Variants in KCND3 observed in about 807,000 individuals in gnomAD.
The protein encoded by KCND3 is potassium voltage-gated channel subfamily D member 3.
Under a neutral mutation model 51.1 loss-of-function variants are expected in KCND3, and 9 were observed. The observed-to-expected ratio is 0.18, with a 90% CI of 0.11 to 0.31. The LOEUF (loss-of-function observed/expected upper bound fraction) is 0.31, where lower values mean the gene tolerates loss of function less well. Among genes scored for constraint, KCND3 ranks in the 10% least tolerant of loss-of-function variants. The pLI is 1.00. For synonymous variants in KCND3, 349 were observed against 368.0 expected, an observed-to-expected ratio of 0.95 and a Z score of 0.59; for missense variants, 526 against 903.8, an observed-to-expected ratio of 0.58 and a Z score of 5.36.
Position 111,944,292 on chromosome 1 carries a change from T to C in KCND3, c.1106+37329A>G, listed in dbSNP as rs576723528. ...CAAGAAGCCCGCTCAGAGCTGGCAA[T>C]GGCTGTGCTGCTGGCTTACACACCT... is the stretch of plus-strand genomic sequence containing the variant. On this transcript the variant is annotated intron_variant, in intron 2 of 7. Transcript: ENST00000302127. 1.3e-4 allele frequency among the ~76,000 whole-genome samples: 20 copies of C among 152,292 alleles called. No homozygotes were observed. In the South Asian group the frequency reaches 3.9e-3, roughly 30 times the overall value.
intron 2 of KCND3, among the ~76,000 whole-genome samples, chr1:111,860,428 C>T (rs1668284485): frequency 2.0e-5 from 3 of 152,188 alleles, no homozygotes; most frequent in South Asian, 4.1e-4. Flanking sequence ...GGGTTGCTGA[C>T]AGCTCTGTCT....
chr1:111,985,826 C>G (rs957677732), intron 1 of KCND3, among the ~76,000 whole-genome samples: 2 of 152,152 alleles, frequency 1.3e-5, no homozygotes, highest in African/African-American at 4.8e-5. Context: ...TCAGATGCTG[C>G]AGAAGACAAT....
intron 2 of KCND3, among the ~76,000 whole-genome samples, chr1:111,843,115 T>C (rs958078281): frequency 6.6e-6 from 1 of 152,216 alleles, no homozygotes; most frequent in Non-Finnish European, 1.5e-5. Flanking sequence ...GATTTTTTCC[T>C]AGACCTGAGC....
At chr1:111,969,342 T>A (rs529148811) in intron 2 of KCND3, among the ~76,000 whole-genome samples, 3 of 152,312 alleles carry the variant, frequency 2.0e-5, no homozygotes, top group African/African-American at 7.2e-5. Flanking sequence ...CACATGTATT[T>A]TCCTCTCCTA....
At position 111,972,630 on chromosome 1, in the gene KCND3, G is replaced by A. The variant is rs565329197; in HGVS notation, c.1106+8991C>T. Among the ~76,000 whole-genome samples the A allele has an allele frequency of 3.3e-5, 5 of 152,260 alleles. No individual in the cohort carries two copies. The East Asian group carries it at 5.8e-4, about 18-fold the overall frequency. On this transcript the variant is annotated intron_variant, in intron 2 of 7. Coordinates refer to ENST00000302127, the MANE Select transcript of KCND3 (RefSeq NM_001378969.1). Reference sequence around the variant, plus strand: ...AAATCTCTTTACCATGAAGCCAATCGTTCATTCATCAACAAATGTTTATTA... The same window carrying A: ...AAATCTCTTTACCATGAAGCCAATCATTCATTCATCAACAAATGTTTATTA...
At chr1:111,872,918 G>C (rs1289963144) in intron 2 of KCND3, among the ~76,000 whole-genome samples, 1 of 152,140 alleles carries the variant, frequency 6.6e-6, no homozygotes, top group Non-Finnish European at 1.5e-5. Context: ...TCTGGGCCAG[G>C]TACAATGTTA....
At chr1:111,988,815 G>A (rs1675455791) in intron 1 of KCND3, 1 of 152,192 alleles carries the variant, frequency 6.6e-6, no homozygotes, top group South Asian at 2.1e-4. Context: ...GGGCTGCCCG[G>A]GATAAAAGCA....
intron 2 of KCND3, among the ~76,000 whole-genome samples, chr1:111,931,157 C>T (rs1462262458): frequency 1.3e-5 from 2 of 151,944 alleles, no homozygotes; most frequent in Admixed American, 6.6e-5. Flanking sequence ...CTCATCTGTG[C>T]AAAAGAATGG....
chr1:111,900,965 A>G (rs1462518685), intron 2 of KCND3, among the ~76,000 whole-genome samples: 4 of 152,254 alleles, frequency 2.6e-5, no homozygotes, highest in Admixed American at 2.6e-4. Context: ...CTAAAAAAAC[A>G]AAAGAAACAA....
rs1363477655 is a variant in KCND3, at chr1:111,806,261, C to A, written c.1107-19155G>T. On this transcript the variant is annotated intron_variant, in intron 2 of 7. Coordinates refer to ENST00000302127, the MANE Select transcript of KCND3 (RefSeq NM_001378969.1). ...GTCTGCACAGCCTGGCCTGCTGTTT[C>A]CCCTGGGGACACTCCTGTTGATGCG... is the stretch of plus-strand genomic sequence containing the variant. Among the ~76,000 whole-genome samples, 3 of 152,262 alleles carry A rather than the reference C, an allele frequency of 2.0e-5. No homozygotes were observed. The East Asian group carries it at 5.8e-4, about 29-fold the overall frequency.
chr1:111,831,312 A>G (rs1666822958), intron 2 of KCND3, among the ~76,000 whole-genome samples: 1 of 152,174 alleles, frequency 6.6e-6, no homozygotes, highest in South Asian at 2.1e-4. Context: ...ATGTCAGAGG[A>G]GGGATCTGGT....
At chr1:111,934,119 G>C (rs1672101894) in intron 2 of KCND3, among the ~76,000 whole-genome samples, 1 of 152,124 alleles carries the variant, frequency 6.6e-6, no homozygotes, top group African/African-American at 2.4e-5. Flanking sequence ...CTCCCCGTGT[G>C]GTTCTGGGTA....
chr1:111,847,276 T>G (rs993400936), intron 2 of KCND3, among the ~76,000 whole-genome samples: 1 of 152,146 alleles, frequency 6.6e-6, no homozygotes, highest in Non-Finnish European at 1.5e-5. Flanking sequence ...CTGTATCACC[T>G]TTCCTCCTAG....
Position 111,780,672 on chromosome 1 carries a change from G to A in KCND3, c.1371+18C>T. On this transcript the variant is annotated intron_variant, in intron 4 of 7. Transcript: ENST00000302127. The surrounding 1 kb of genome is among the most constrained non-coding windows in gnomAD (Gnocchi z 4.2). Reference sequence around the variant, plus strand: ...CTACCCCTTTATGTTCCCTAGCCCAGGTCCTCTAGGCACCTACCGTCAGCT... The same window carrying A: ...CTACCCCTTTATGTTCCCTAGCCCAAGTCCTCTAGGCACCTACCGTCAGCT... 6.3e-7 allele frequency: 1 copy of A among 1,595,114 alleles called. No homozygotes were observed. Among genetic ancestry groups the A allele is most frequent in the Non-Finnish European group, 8.6e-7 (1 of 1,168,718 alleles).
At chr1:111,905,071 A>G (rs1670583027) in intron 2 of KCND3, among the ~76,000 whole-genome samples, 1 of 152,236 alleles carries the variant, frequency 6.6e-6, no homozygotes, top group South Asian at 2.1e-4. Context: ...GAATGGATGA[A>G]TCAGTCCCGG....
At chr1:111,835,995 G>A (rs1050053932) in intron 2 of KCND3, among the ~76,000 whole-genome samples, 3 of 152,140 alleles carry the variant, frequency 2.0e-5, no homozygotes, top group African/African-American at 7.2e-5. Flanking sequence ...TAGTGTACCT[G>A]CAGGCTCTGT....
intron 2 of KCND3, among the ~76,000 whole-genome samples, chr1:111,903,430 G>C (rs551259120): frequency 6.6e-6 from 1 of 152,182 alleles, no homozygotes; most frequent in South Asian, 2.1e-4. Flanking sequence ...AGTATGTCCT[G>C]GGCCAACTGT....
At chr1:111,947,455 C>T (rs1672832466) in intron 2 of KCND3, among the ~76,000 whole-genome samples, 1 of 152,234 alleles carries the variant, frequency 6.6e-6, no homozygotes, top group Admixed American at 6.5e-5. Flanking sequence ...TTAATTTTCA[C>T]TTTAGTGATG....
chr1:111,891,814 G>A (rs55776990), intron 2 of KCND3, among the ~76,000 whole-genome samples: 12,125 of 151,992 alleles, frequency 0.08, 524 homozygotes, highest in East Asian at 0.17. Flanking sequence ...CTTGCCATTC[G>A]GGGAAGAAAA....
Sources: gnomAD v4.1 joint callset for allele counts (sites outside exome capture counted in the v4.1 genomes callset) on GRCh38, gnomAD v4.1.1 for gene constraint, Gnocchi (gnomAD v3.1) non-coding constraint, MANE v1.5 for transcripts, NCBI Gene and HGNC (gene_info 2026-07-23, HGNC 2026-07-21) for gene names.